TRAM2: variants seen among roughly 807,000 people sequenced by gnomAD.
TRAM2 encodes translocating chain-associated membrane protein 2.
TRAM2 carries 12 observed loss-of-function variants against 51.0 expected under a neutral mutation model. The observed-to-expected ratio is 0.24, with a 90% CI of 0.15 to 0.38. The LOEUF (loss-of-function observed/expected upper bound fraction) is 0.38, where lower values mean the gene tolerates loss of function less well. Ranked by LOEUF, TRAM2 falls within the 10% of genes least tolerant of loss-of-function variation. The pLI is 1.00. For missense variants in TRAM2, 361 were observed against 462.0 expected, an observed-to-expected ratio of 0.78 and a Z score of 2.00; for synonymous variants, 175 against 179.4, an observed-to-expected ratio of 0.98 and a Z score of 0.20.
intron 2 of TRAM2, among the ~76,000 whole-genome samples, chr6:52,521,188 G>A (rs1054664152): frequency 6.6e-6 from 1 of 151,902 alleles, no homozygotes; most frequent in East Asian, 1.9e-4. Context: ...GGGATTACAG[G>A]TGTGAGCCAC....
At chr6:52,556,566 G>A (rs952772189) in intron 1 of TRAM2, among the ~76,000 whole-genome samples, 1 of 148,274 alleles carries the variant, frequency 6.7e-6, no homozygotes, top group Non-Finnish European at 1.5e-5. Flanking sequence ...ACAGGCATAA[G>A]TCACTGTGCC....
Position 52,500,483 on chromosome 6 carries a change from G to C in TRAM2, c.*2714C>G, listed in dbSNP as rs1403790276. On this transcript the variant is annotated 3_prime_UTR_variant, in exon 11 of 11. Coordinates refer to ENST00000182527, the MANE Select transcript of TRAM2 (RefSeq NM_012288.4). Reference sequence around the variant, plus strand: ...CCCCCCAAACATCCCTGAAGCCCAGGCTGGCAAGATGCCAGCCCCACTCAT... The same window carrying C: ...CCCCCCAAACATCCCTGAAGCCCAGCCTGGCAAGATGCCAGCCCCACTCAT... 3 of 151,152 alleles carry C rather than the reference G, an allele frequency of 2.0e-5. No homozygotes were observed. The highest frequency in any genetic ancestry group is 7.3e-5 in the African/African-American group (3 of 41,046). 9.4% of individuals were successfully genotyped at this position (151,152 alleles called of 1,614,324 possible).
chr6:52,545,406 C>T lies in TRAM2; in HGVS notation c.121-9560G>A, dbSNP rs560459627. Among the ~76,000 whole-genome samples, 6 of 152,290 alleles carry T rather than the reference C, an allele frequency of 3.9e-5. No homozygotes were observed. In the South Asian group the frequency reaches 6.2e-4, roughly 16 times the overall value. On this transcript the variant is annotated intron_variant, in intron 1 of 10. Coordinates refer to ENST00000182527, the MANE Select transcript of TRAM2 (RefSeq NM_012288.4). The stretch of plus-strand genomic sequence containing the variant: ...GAAGGGACAGGAACTGCCTGGGACA[C>T]GAATGACCTTAAGCTTTTGCCAAGA...
intron 5 of TRAM2, among the ~76,000 whole-genome samples, chr6:52,508,823 C>T (rs1468874943): frequency 6.6e-6 from 1 of 152,146 alleles, no homozygotes; most frequent in African/African-American, 2.4e-5. Context: ...CACCTGAAGT[C>T]AGGAGTTTGA....
chr6:52,505,489 TAAC>T, intron 9 of TRAM2, 107 bp downstream of exon 9: 1 of 1,423,512 alleles, frequency 7.0e-7, no homozygotes, highest in East Asian at 2.4e-5. Flanking sequence ...TTCCAAAAAA[TAAC>T]AATATGTGGG....
At chr6:52,541,098 A>G (rs545415247) in intron 1 of TRAM2, among the ~76,000 whole-genome samples, 1 of 152,230 alleles carries the variant, frequency 6.6e-6, no homozygotes, top group Non-Finnish European at 1.5e-5. Context: ...TAGACCAAGG[A>G]TGCTGGTGAA....
intron 1 of TRAM2, among the ~76,000 whole-genome samples, chr6:52,539,067 A>G (rs1444838442): frequency 6.6e-6 from 1 of 152,274 alleles, no homozygotes; most frequent in African/African-American, 2.4e-5. Flanking sequence ...TCATGCCAGA[A>G]TAAAGCTTGT....
intron 1 of TRAM2, among the ~76,000 whole-genome samples, chr6:52,558,660 G>A (rs914608692): frequency 3.9e-5 from 6 of 152,162 alleles, no homozygotes; most frequent in South Asian, 2.1e-4. Context: ...ATCTGGTAGC[G>A]TGTAGGTGGA....
Position 52,499,392 on chromosome 6 carries a change from A to G in TRAM2, c.*3805T>C, listed in dbSNP as rs978200362. ...AGGCCCTTAAGCAAAAGAATTAGTTATGTGCAGACTTCCCTACCTCTCACA... is the reference window on the plus strand; with the variant it reads ...AGGCCCTTAAGCAAAAGAATTAGTTGTGTGCAGACTTCCCTACCTCTCACA... On this transcript the variant is annotated 3_prime_UTR_variant, in exon 11 of 11. Transcript: ENST00000182527. The G allele has an allele frequency of 5.9e-5, 9 of 152,180 alleles. No individual in the cohort carries two copies. The highest frequency in any genetic ancestry group is 2.2e-4 in the African/African-American group (9 of 41,426). The allele number at this position is 152,180 out of a possible 1,614,324, so 9.4% of individuals were successfully genotyped here. A position where few individuals can be genotyped will look rare whatever the true frequency, so the allele number is the denominator to read the frequency against.
intron 2 of TRAM2, among the ~76,000 whole-genome samples, chr6:52,533,653 G>A (rs1766930289): frequency 6.6e-6 from 1 of 152,206 alleles, no homozygotes; most frequent in South Asian, 2.1e-4. Context: ...GCAGGGGATG[G>A]TGGGCCCAGG....
chr6:52,542,146 A>G (rs1387921774), intron 1 of TRAM2, among the ~76,000 whole-genome samples: 11 of 152,164 alleles, frequency 7.2e-5, no homozygotes, highest in African/African-American at 2.4e-4. Context: ...GGTCTTCACT[A>G]AGGCTTTCCC....
At chr6:52,528,403 A>G (rs1335134016) in intron 2 of TRAM2, among the ~76,000 whole-genome samples, 1 of 151,980 alleles carries the variant, frequency 6.6e-6, no homozygotes, top group Admixed American at 6.6e-5. Context: ...CCATGAGCTC[A>G]TCTTACAAAG....
At chr6:52,506,586 G>T (rs1462881661) in intron 7 of TRAM2, among the ~76,000 whole-genome samples, 1 of 152,174 alleles carries the variant, frequency 6.6e-6, no homozygotes, top group Non-Finnish European at 1.5e-5. Flanking sequence ...TGCTCCTTCT[G>T]TGTGGCCCTG....
chr6:52,560,439 CTA>C (rs1387962450), intron 1 of TRAM2, among the ~76,000 whole-genome samples: 2 of 152,144 alleles, frequency 1.3e-5, no homozygotes, highest in African/African-American at 4.8e-5. Context: ...AATTTGTAAT[CTA>C]TTTTTTTTGT....
chr6:52,544,263 T>C (rs922208546), intron 1 of TRAM2, among the ~76,000 whole-genome samples: 1 of 152,198 alleles, frequency 6.6e-6, no homozygotes, highest in Admixed American at 6.5e-5. Flanking sequence ...AACCTCCGCC[T>C]ATCATTAAAC....
chr6:52,503,518 C>CT (rs907996282), intron 10 of TRAM2, among the ~76,000 whole-genome samples: 12 of 151,978 alleles, frequency 7.9e-5, no homozygotes, highest in African/African-American at 2.9e-4. Flanking sequence ...TCTGACTGCA[C>CT]TTTAGCAGGA....
At chr6:52,534,958 G>A (rs1766953413) in intron 2 of TRAM2, among the ~76,000 whole-genome samples, 2 of 152,148 alleles carry the variant, frequency 1.3e-5, no homozygotes, top group South Asian at 2.1e-4. Context: ...GCCACTATGG[G>A]GGAAGCTTGT....
intron 2 of TRAM2, among the ~76,000 whole-genome samples, chr6:52,526,126 G>A (rs1766772697): frequency 6.7e-6 from 1 of 149,112 alleles, no homozygotes; most frequent in Non-Finnish European, 1.5e-5. Flanking sequence ...CTTTGTTATG[G>A]CCATCCTAGG....
intron 1 of TRAM2, among the ~76,000 whole-genome samples, chr6:52,552,135 G>A (rs1767320664): frequency 6.6e-6 from 1 of 152,254 alleles, no homozygotes; most frequent in South Asian, 2.1e-4. Context: ...GCCCTGGCAA[G>A]AGGAGAGGGC....
Sources: allele counts gnomAD v4.1 joint callset (sites outside exome capture counted in the v4.1 genomes callset), GRCh38; gene constraint gnomAD v4.1.1; transcripts MANE v1.5; gene names NCBI Gene and HGNC (gene_info 2026-07-23, HGNC 2026-07-21).